MTMR2: variants seen among roughly 807,000 people sequenced by gnomAD.
MTMR2 encodes the protein phosphatidylinositol-3,5-bisphosphate 3-phosphatase MTMR2.
A neutral mutation model predicts 86.9 loss-of-function variants in MTMR2; 55 were observed. The ratio of observed to expected loss-of-function variants is 0.63; its 90% CI spans 0.51 to 0.79. The LOEUF (loss-of-function observed/expected upper bound fraction) is 0.79, where lower values mean the gene tolerates loss of function less well. MTMR2 is among the 30% of genes least tolerant of loss of function. The pLI is 0.00. For missense variants in MTMR2, 659 were observed against 772.3 expected (o/e 0.85, Z 1.74); for synonymous variants, 241 against 266.8 (o/e 0.90, Z 0.94).
intron 5 of MTMR2, among the ~76,000 whole-genome samples, chr11:95,861,033 G>A (rs1384782981): frequency 2.0e-5 from 3 of 151,630 alleles, no homozygotes; most frequent in Admixed American, 1.3e-4. Flanking sequence ...GGTGGTGGGC[G>A]CCTGTAGTCC....
chr11:95,893,550 T>C (rs770945046), intron 1 of MTMR2, among the ~76,000 whole-genome samples: 70 of 152,262 alleles, frequency 4.6e-4, no homozygotes, highest in Non-Finnish European at 3.5e-4. Context: ...ACGACTGTCC[T>C]GCTAATCCCT....
intron 1 of MTMR2, among the ~76,000 whole-genome samples, chr11:95,900,912 C>T (rs1431891716): frequency 6.6e-6 from 1 of 152,158 alleles, no homozygotes; most frequent in Non-Finnish European, 1.5e-5. Flanking sequence ...AACCAGGGGC[C>T]TTGTTTCTCT....
At chr11:95,887,434 G>A (rs1293823990) in intron 2 of MTMR2, among the ~76,000 whole-genome samples, 1 of 151,580 alleles carries the variant, frequency 6.6e-6, no homozygotes, top group African/African-American at 2.4e-5. Context: ...AAAAAAAAAC[G>A]ATTATGAAGT....
intron 2 of MTMR2, among the ~76,000 whole-genome samples, chr11:95,885,453 G>A (rs945923270): frequency 5.3e-5 from 8 of 152,020 alleles, no homozygotes; most frequent in East Asian, 1.9e-4. Context: ...GCATCTTGTC[G>A]TGCCAGAAAG....
At chr11:95,889,103 T>G (rs1251913902) in intron 1 of MTMR2, among the ~76,000 whole-genome samples, 1 of 151,844 alleles carries the variant, frequency 6.6e-6, no homozygotes, top group Admixed American at 6.6e-5. Flanking sequence ...CACTCTACAG[T>G]TACTTTTACT....
At chr11:95,862,806 T>C (rs914552882) in intron 3 of MTMR2, among the ~76,000 whole-genome samples, 5 of 152,200 alleles carry the variant, frequency 3.3e-5, no homozygotes, top group African/African-American at 1.2e-4. Context: ...CTTCTAAAAA[T>C]GCAATGTCCA....
chr11:95,892,779 A>G (rs530812270), intron 1 of MTMR2, among the ~76,000 whole-genome samples: 22 of 152,038 alleles, frequency 1.4e-4, no homozygotes, highest in African/African-American at 5.3e-4. Flanking sequence ...TCTCTTCCTA[A>G]TCTTTATCTG....
intron 7 of MTMR2, among the ~76,000 whole-genome samples, chr11:95,855,709 A>G (rs1864187134): frequency 6.6e-6 from 1 of 152,164 alleles, no homozygotes; most frequent in Non-Finnish European, 1.5e-5. Flanking sequence ...AAATATAATA[A>G]TCATCATTTG....
At chr11:95,897,310 T>G (rs1032035691) in intron 1 of MTMR2, among the ~76,000 whole-genome samples, 1 of 152,024 alleles carries the variant, frequency 6.6e-6, no homozygotes, top group African/African-American at 2.4e-5. Context: ...TAAAATAAAT[T>G]TTTTATACAC....
intron 13 of MTMR2, 108 bp from the exon 14 acceptor site, chr11:95,836,432 A>G: frequency 9.1e-7 from 1 of 1,103,184 alleles, no homozygotes; most frequent in African/African-American, 1.5e-5. Flanking sequence ...CTTTAGAGGA[A>G]GTGGACTTGG....
rs769537053 is a variant in MTMR2, at chr11:95,888,200, C to A, written c.142G>T (p.Asp48Tyr). ...HTKSASVVSS[D>Y]SISTSADNFS... Reference sequence around the variant, plus strand: ...TTGTCGGCAGAAGTTGAAATGGAATCTGATGATACAACAGAAGCTGATTTT... The same window carrying A: ...TTGTCGGCAGAAGTTGAAATGGAATATGATGATACAACAGAAGCTGATTTT... Residue 48 changes from aspartate (D) to tyrosine (Y), a missense_variant, in exon 2 of 15, where the codon GAT becomes TAT. Transcript: ENST00000346299. 2 of 1,613,628 alleles carry A rather than the reference C, an allele frequency of 1.2e-6. No homozygotes were observed. The highest frequency in any genetic ancestry group is 2.2e-5 in the South Asian group (2 of 91,054).
intron 3 of MTMR2, among the ~76,000 whole-genome samples, chr11:95,864,018 G>A (rs1372122923): frequency 6.6e-6 from 1 of 152,094 alleles, no homozygotes; most frequent in Non-Finnish European, 1.5e-5. Context: ...ATGGACAGCT[G>A]GTATTGATGT....
intron 2 of MTMR2, among the ~76,000 whole-genome samples, chr11:95,872,692 A>C (rs997498164): frequency 5.9e-5 from 9 of 152,198 alleles, no homozygotes; most frequent in Admixed American, 3.9e-4. Context: ...GTCTTGTGCC[A>C]GTTTTCAAAG....
intron 1 of MTMR2, among the ~76,000 whole-genome samples, chr11:95,906,671 A>G (rs940511239): frequency 2.0e-5 from 3 of 152,212 alleles, no homozygotes. Flanking sequence ...AAAGAAACCA[A>G]ATTCATATCA....
chr11:95,865,518 T>TTCTGTATGCTGAGAG, intron 3 of MTMR2, 83 bp downstream of exon 3: 2 of 1,306,920 alleles, frequency 1.5e-6, no homozygotes, highest in Non-Finnish European at 2.2e-6. Flanking sequence ...TGACAGCCAG[T>TTCTGTATGCTGAGAG]TTATTCTCTG....
At chr11:95,843,400 A>G (rs547842033) in intron 11 of MTMR2, among the ~76,000 whole-genome samples, 150 of 152,318 alleles carry the variant, frequency 9.8e-4, no homozygotes, top group African/African-American at 3.4e-3. Flanking sequence ...TCTATTCAAA[A>G]TGGAAGTGAG....
At chr11:95,920,581 G>T (rs1866883877) in intron 1 of MTMR2, among the ~76,000 whole-genome samples, 1 of 151,748 alleles carries the variant, frequency 6.6e-6, no homozygotes, top group African/African-American at 2.4e-5. Flanking sequence ...GCCCTTTTGT[G>T]GGCAAAAGCA....
chr11:95,891,806 G>C (rs979062297), intron 1 of MTMR2, among the ~76,000 whole-genome samples: 1 of 151,868 alleles, frequency 6.6e-6, no homozygotes, highest in African/African-American at 2.4e-5. Context: ...TTGTGATTAC[G>C]GCAGAAACAC....
At chr11:95,893,884 A>G (rs1487206838) in intron 1 of MTMR2, among the ~76,000 whole-genome samples, 11 of 152,152 alleles carry the variant, frequency 7.2e-5, no homozygotes, top group African/African-American at 2.4e-4. Flanking sequence ...CTCATCCAAT[A>G]TATCATCCCA....
Sources: gnomAD v4.1 joint callset for allele counts (sites outside exome capture counted in the v4.1 genomes callset) on GRCh38, gnomAD v4.1.1 for gene constraint, MANE v1.5 for transcripts, NCBI Gene and HGNC (gene_info 2026-07-23, HGNC 2026-07-21) for gene names.